MGST1: variants seen among roughly 807,000 people sequenced by gnomAD.
The protein encoded by MGST1 is microsomal glutathione S-transferase 1, also known as glutathione S-transferase 12.
Under a neutral mutation model 8.9 loss-of-function variants are expected in MGST1, and 5 were observed. The ratio of observed to expected loss-of-function variants is 0.56; its 90% confidence interval spans 0.29 to 1.19. The LOEUF (loss-of-function observed/expected upper bound fraction) is 1.19, where lower values mean the gene tolerates loss of function less well. MGST1 is among the 50% of genes most tolerant of loss of function. The pLI, the probability that MGST1 is intolerant of heterozygous loss-of-function variation, is 0.08. For synonymous variants in MGST1, 54 were observed against 67.8 expected (o/e 0.80, Z 1.00); for missense variants, 182 against 187.4 (o/e 0.97, Z 0.17).
intron 1 of MGST1, among the ~76,000 whole-genome samples, chr12:16,435,997 A>ACACG (rs966557102): frequency 4.6e-5 from 7 of 151,270 alleles, no homozygotes; most frequent in African/African-American, 1.7e-4. Context: ...GCAAATACAC[A>ACACG]CACACACACA....
intron 4 of MGST1, among the ~76,000 whole-genome samples, chr12:16,577,869 T>G (rs757848893): frequency 2.6e-5 from 4 of 152,204 alleles, no homozygotes; most frequent in Non-Finnish European, 5.9e-5. Flanking sequence ...TGTCACCTAA[T>G]TATGGCTGCC....
downstream of MGST1, among the ~76,000 whole-genome samples, chr12:16,593,325 A>G (rs749310847): frequency 6.6e-6 from 1 of 151,782 alleles, no homozygotes; most frequent in Non-Finnish European, 1.5e-5. The surrounding 1 kb of genome is among the most constrained non-coding windows in gnomAD (Gnocchi z 4.2). Context: ...ATTGAATCAT[A>G]ACAACACATG....
Position 16,410,684 on chromosome 12 carries a change from A to T in MGST1, n.779-26704A>T, listed in dbSNP as rs1940735040. On this transcript the variant is annotated intron_variant and non_coding_transcript_variant, in intron 1 of 1. Transcript: ENST00000359720. This position sits in a 1 kb window ranked among gnomAD's most constrained non-coding sequence, Gnocchi z 4.4. ...CATACATAATCAAATATATAATATA[A>T]ATATATAATATAATATATAAATATA... Among the ~76,000 whole-genome samples, 1 of 148,080 alleles carries T rather than the reference A, an allele frequency of 6.8e-6. No homozygotes were observed. Among genetic ancestry groups the T allele is most frequent in the South Asian group, 2.1e-4 (1 of 4,804 alleles).
intron 1 of MGST1, among the ~76,000 whole-genome samples, chr12:16,391,931 G>A (rs188678141): frequency 4.0e-4 from 61 of 152,294 alleles, no homozygotes; most frequent in Non-Finnish European, 7.1e-4. Context: ...TGTGGCATGA[G>A]GAAGGGGTCC....
chr12:16,412,371 A>T (rs563186331), intron 1 of MGST1, among the ~76,000 whole-genome samples: 84 of 152,242 alleles, frequency 5.5e-4, no homozygotes, highest in African/African-American at 1.9e-3. Flanking sequence ...TATTATTTTG[A>T]GCTATTAATT....
In MGST1 at chr12:16,432,062, G is replaced by T. The variant is rs534956534; in HGVS notation, n.779-5326G>T. ...AATACTACTACTTGATGTGGTCTAT[G>T]CATTCCATTTGTTATCTGCTTTTAA... On this transcript the variant is annotated intron_variant and non_coding_transcript_variant, in intron 1 of 1. Coordinates refer to the MGST1 transcript ENST00000359720. 2.6e-5 allele frequency among the ~76,000 whole-genome samples: 4 copies of T among 152,214 alleles called. No homozygotes were observed. The South Asian group carries it at 8.3e-4, about 32-fold the overall frequency.
chr12:16,478,351 C>T (rs1387077778), intron 4 of MGST1, among the ~76,000 whole-genome samples: 1 of 152,022 alleles, frequency 6.6e-6, no homozygotes. Flanking sequence ...TTTAGAGCCT[C>T]CCTCTCCTCT....
At chr12:16,535,570 A>G (rs1941752346) in intron 4 of MGST1, among the ~76,000 whole-genome samples, 1 of 152,228 alleles carries the variant, frequency 6.6e-6, no homozygotes, top group South Asian at 2.1e-4. Context: ...ACATGCAGGA[A>G]AATACTTATG....
At position 16,363,723 on chromosome 12, in the gene MGST1, G is replaced by A. The variant is rs188037844; in HGVS notation, c.222-72G>A. ...CATTAGTGCTCAGATTTAGTTTTTAGAAGAGAGAGAAAAAAGGATACATAT... is the reference window on the plus strand; with the variant it reads ...CATTAGTGCTCAGATTTAGTTTTTAAAAGAGAGAGAAAAAAGGATACATAT... On this transcript the variant is annotated intron_variant, in intron 3 of 3. Coordinates refer to ENST00000396210, the MANE Select transcript of MGST1 (RefSeq NM_020300.5). This position sits in a 1 kb window ranked among gnomAD's most constrained non-coding sequence, Gnocchi z 4.6. 135 of 1,312,944 alleles carry A rather than the reference G, an allele frequency of 1.0e-4. No homozygotes were observed. In the African/African-American group the frequency reaches 1.8e-3, roughly 17 times the overall value. 81.3% of individuals were successfully genotyped at this position (1,312,944 alleles called of 1,614,324 possible). A position where few individuals can be genotyped will look rare whatever the true frequency, so the allele number is the denominator to read the frequency against.
At chr12:16,354,427 T>C (rs2947100) in intron 2 of MGST1, 49 bp downstream of exon 2, 53 of 1,553,390 alleles carry the variant, frequency 3.4e-5, no homozygotes, top group Middle Eastern at 4.1e-4. Context: ...GTTGGAATTC[T>C]GGAGAGCAGT....
intron 1 of MGST1, among the ~76,000 whole-genome samples, chr12:16,404,773 T>C (rs1245589552): frequency 6.6e-6 from 1 of 152,214 alleles, no homozygotes; most frequent in Non-Finnish European, 1.5e-5. Flanking sequence ...TAGCTTTACG[T>C]CCTCATTACC....
intron 1 of MGST1, among the ~76,000 whole-genome samples, chr12:16,426,665 G>A (rs1201636661): frequency 2.6e-5 from 4 of 152,068 alleles, no homozygotes; most frequent in African/African-American, 9.7e-5. Context: ...GTTAAAAGCT[G>A]AACAAGGCCG....
intron 4 of MGST1, among the ~76,000 whole-genome samples, chr12:16,508,671 A>G (rs1941557046): frequency 6.6e-6 from 1 of 152,186 alleles, no homozygotes; most frequent in South Asian, 2.1e-4. Flanking sequence ...GCCTGACAAC[A>G]GTTTAATTGC....
At chr12:16,489,599 G>A (rs1941425225) in intron 4 of MGST1, among the ~76,000 whole-genome samples, 1 of 152,138 alleles carries the variant, frequency 6.6e-6, no homozygotes, top group Non-Finnish European at 1.5e-5. Flanking sequence ...GGATTTATTT[G>A]AGTTGCTTTG....
chr12:16,376,178 A>G, exon 4 of MGST1: 1 of 1,013,464 alleles, frequency 9.9e-7, no homozygotes, highest in South Asian at 1.5e-5. Flanking sequence ...TTAACTCGGC[A>G]TAACCAATTG....
chr12:16,568,847 C>T (rs1294454962), intron 4 of MGST1, among the ~76,000 whole-genome samples: 1 of 152,058 alleles, frequency 6.6e-6, no homozygotes, highest in Admixed American at 6.6e-5. Context: ...AACTTTGAAA[C>T]AAATGGAGAT....
chr12:16,374,782 T>C (rs1489147636), intron 3 of MGST1, among the ~76,000 whole-genome samples: 2 of 152,088 alleles, frequency 1.3e-5, no homozygotes, highest in Non-Finnish European at 2.9e-5. Flanking sequence ...ATTAGAAAAA[T>C]CTCTATATGT....
At chr12:16,381,631 C>T (rs1255522319), downstream of MGST1, among the ~76,000 whole-genome samples, 1 of 151,418 alleles carries the variant, frequency 6.6e-6, no homozygotes, top group African/African-American at 2.4e-5. Context: ...GGGTTGCTCT[C>T]GAGGAGTATC....
At chr12:16,380,798 G>T (rs1376590167), downstream of MGST1, among the ~76,000 whole-genome samples, 1 of 152,054 alleles carries the variant, frequency 6.6e-6, no homozygotes, top group Non-Finnish European at 1.5e-5. Context: ...GTAGGTCACT[G>T]ATGACTTGCT....
Sources: gnomAD v4.1 joint callset for allele counts (sites outside exome capture counted in the v4.1 genomes callset) on GRCh38, gnomAD v4.1.1 for gene constraint, Gnocchi (gnomAD v3.1) non-coding constraint, MANE v1.5 for transcripts, NCBI Gene and HGNC (gene_info 2026-07-23, HGNC 2026-07-21) for gene names.